The following PCDHA1 variants were observed in gnomAD, a reference collection of about 807,000 sequenced individuals.
PCDHA1 encodes the protein protocadherin alpha 1, also known as protocadherin alpha-1.
In PCDHA1, 42 loss-of-function variants were observed where a neutral mutation model predicts 61.3. That is an observed-to-expected ratio of 0.69 (90% CI 0.54 to 0.89). The LOEUF (loss-of-function observed/expected upper bound fraction) is 0.89, where lower values mean the gene tolerates loss of function less well. PCDHA1 is among the 40% of genes least tolerant of loss of function. The pLI, the probability that PCDHA1 is intolerant of heterozygous loss-of-function variation, is 0.00. For synonymous variants in PCDHA1, 610 were observed against 553.8 expected, an observed-to-expected ratio of 1.10 and a Z score of -1.43; for missense variants, 1,256 against 1,235.3, an observed-to-expected ratio of 1.02 and a Z score of -0.25.
chr5:140,856,215 C>A lies in PCDHA1; in HGVS notation c.2394+67531C>A, dbSNP rs781995878. ...GCGCAGGACCTGGGGCTGGAGCTGGCGGAGCTGGTGCAGCGCCTGTTCCGG... is the reference window on the plus strand; with the variant it reads ...GCGCAGGACCTGGGGCTGGAGCTGGAGGAGCTGGTGCAGCGCCTGTTCCGG... On this transcript the variant is annotated intron_variant, in intron 1 of 3. Coordinates refer to ENST00000504120, the MANE Select transcript of PCDHA1 (RefSeq NM_018900.4). 3 of 1,597,902 alleles carry A rather than the reference C, an allele frequency of 1.9e-6. No individual in the cohort carries two copies. Among genetic ancestry groups the A allele is most frequent in the African/African-American group, 1.3e-5 (1 of 74,266 alleles).
intron 1 of PCDHA1, among the ~76,000 whole-genome samples, chr5:140,887,165 C>T (rs1451761224): frequency 1.3e-5 from 2 of 151,306 alleles, no homozygotes; most frequent in Non-Finnish European, 2.9e-5. Flanking sequence ...GGCGTGATCT[C>T]GGCTCACTGC....
chr5:140,787,196 T>A lies in PCDHA1; in HGVS notation c.906T>A (p.Ile302=), dbSNP rs781812002. ...KFKVDSSSGE[I]RLIDKLDYEE... ...AAGTTGATTCCAGCTCAGGAGAAAT[T>A]AGGTTAATTGATAAACTGGATTATG... Residue 302 remains isoleucine (I), a synonymous_variant, in exon 1 of 4, where the codon ATT becomes ATA. Coordinates refer to ENST00000504120, the MANE Select transcript of PCDHA1 (RefSeq NM_018900.4). 6.2e-7 allele frequency: 1 copy of A among 1,613,952 alleles called. No individual in the cohort carries two copies. The highest frequency in any genetic ancestry group is 1.1e-5 in the South Asian group (1 of 91,072).
At chr5:141,009,036 T>C (rs782309668) in intron 3 of PCDHA1, among the ~76,000 whole-genome samples, 7 of 152,242 alleles carry the variant, frequency 4.6e-5, no homozygotes, top group Non-Finnish European at 1.0e-4. Context: ...TCCCATCCCG[T>C]TCCCAGTCAA....
At chr5:140,989,319 A>G (rs1291622013) in intron 3 of PCDHA1, among the ~76,000 whole-genome samples, 1 of 152,138 alleles carries the variant, frequency 6.6e-6, no homozygotes, top group Admixed American at 6.5e-5. Context: ...GGGTCTCACC[A>G]ACTTTGCCAC....
chr5:141,006,931 G>A (rs1268492539), intron 3 of PCDHA1, among the ~76,000 whole-genome samples: 1 of 152,158 alleles, frequency 6.6e-6, no homozygotes, highest in African/African-American at 2.4e-5. Flanking sequence ...ATTTCCAACT[G>A]GGGATACCAG....
At chr5:140,796,804 G>A (rs143010081) in intron 1 of PCDHA1, 1 of 1,614,136 alleles carries the variant, frequency 6.2e-7, no homozygotes, top group Non-Finnish European at 8.5e-7. Flanking sequence ...GCTTCAGCTG[G>A]GTACTGGCAG....
At chr5:140,970,332 G>A (rs1236073527) in intron 1 of PCDHA1, among the ~76,000 whole-genome samples, 12 of 152,138 alleles carry the variant, frequency 7.9e-5, no homozygotes, top group Admixed American at 2.6e-4. Flanking sequence ...TCCAAAGCAT[G>A]CATTCATTTT....
intron 1 of PCDHA1, among the ~76,000 whole-genome samples, chr5:140,916,821 C>T (rs2077744344): frequency 6.6e-6 from 1 of 152,170 alleles, no homozygotes; most frequent in African/African-American, 2.4e-5. Flanking sequence ...TGTGCCACCC[C>T]TATCCCTCTG....
At chr5:140,893,137 C>T (rs2153441262) in intron 1 of PCDHA1, among the ~76,000 whole-genome samples, 1 of 152,298 alleles carries the variant, frequency 6.6e-6, no homozygotes, top group South Asian at 2.1e-4. Context: ...TTTCTTTATC[C>T]ACTCATCTGT....
chr5:140,788,263 C>A lies in PCDHA1; in HGVS notation c.1973C>A (p.Ala658Glu), dbSNP rs564427730. 8 of 1,613,956 alleles carry A rather than the reference C, an allele frequency of 5.0e-6. No homozygotes were observed. The African/African-American group carries it at 6.7e-5, about 13-fold the overall frequency. ...LVLVKDHGEPALTATATVLVS... is the reference protein window; with the variant it reads ...LVLVKDHGEPELTATATVLVS... ...CTAGTGAAGGATCACGGTGAGCCGGCGCTGACAGCCACGGCCACTGTGCTT... is the reference window on the plus strand; with the variant it reads ...CTAGTGAAGGATCACGGTGAGCCGGAGCTGACAGCCACGGCCACTGTGCTT... Residue 658 changes from alanine to glutamate, a missense_variant, in exon 1 of 4, where the codon GCG becomes GAG. Ala to Glu is a moderately radical substitution (Grantham distance 107). Transcript: ENST00000504120.
chr5:140,928,698 G>A, intron 1 of PCDHA1: 1 of 1,614,148 alleles, frequency 6.2e-7, no homozygotes, highest in East Asian at 2.2e-5. Context: ...ACATCTCCCG[G>A]GCGTCTGACT....
intron 1 of PCDHA1, chr5:140,835,744 C>A: frequency 1.2e-6 from 2 of 1,613,652 alleles, no homozygotes; most frequent in Non-Finnish European, 1.7e-6. Context: ...AACGCCCCGG[C>A]GTTCGCGCAG....
At chr5:140,999,795 T>C (rs1222111677) in intron 3 of PCDHA1, among the ~76,000 whole-genome samples, 3 of 152,224 alleles carry the variant, frequency 2.0e-5, no homozygotes, top group Non-Finnish European at 4.4e-5. Context: ...GGCAGAGTTA[T>C]TTTGGGCACA....
chr5:140,870,507 A>G (rs782584168), intron 1 of PCDHA1: 3 of 1,614,128 alleles, frequency 1.9e-6, no homozygotes, highest in African/African-American at 1.3e-5. Context: ...AGAACAACCC[A>G]CCAGGCTGCC....
chr5:140,841,236 G>A (rs1171503163), intron 1 of PCDHA1: 2 of 1,481,194 alleles, frequency 1.4e-6, no homozygotes, highest in East Asian at 2.3e-5. Flanking sequence ...GGGAGATGCA[G>A]CGGAATTGGA....
At chr5:140,821,823 C>G (rs2150110880) in intron 1 of PCDHA1, 25 of 1,613,970 alleles carry the variant, frequency 1.5e-5, no homozygotes, top group African/African-American at 2.7e-5. Context: ...TCCTGCTGCT[C>G]TGGCTTCTCC....
chr5:140,948,645 C>T (rs1468901970), intron 1 of PCDHA1, among the ~76,000 whole-genome samples: 1 of 151,562 alleles, frequency 6.6e-6, no homozygotes. Flanking sequence ...CATCTTTTAA[C>T]GTCTGTATAA....
rs971447494 is a variant in PCDHA1, at chr5:140,855,570, A to G, written c.2394+66886A>G. 1.4e-4 allele frequency among the ~76,000 whole-genome samples: 21 copies of G among 149,936 alleles called. 2 individuals carry two copies. Among genetic ancestry groups the G allele is most frequent in the African/African-American group, 5.1e-4 (21 of 40,914 alleles). ...GAACTTAAATGGAACTAAAGTTGTCATTTAATAAAATATTAGTATACTCAG... is the reference window on the plus strand; with the variant it reads ...GAACTTAAATGGAACTAAAGTTGTCGTTTAATAAAATATTAGTATACTCAG... On this transcript the variant is annotated intron_variant, in intron 1 of 3. Transcript: ENST00000504120.
chr5:140,884,708 T>C, intron 1 of PCDHA1: 1 of 1,479,044 alleles, frequency 6.8e-7, no homozygotes, highest in Non-Finnish European at 9.0e-7. Flanking sequence ...ACTTTAGCCT[T>C]CCTTGCAGTT....
Sources: gnomAD v4.1 joint callset for allele counts (sites outside exome capture counted in the v4.1 genomes callset) on GRCh38, gnomAD v4.1.1 for gene constraint, MANE v1.5 for transcripts, NCBI Gene and HGNC (gene_info 2026-07-23, HGNC 2026-07-21) for gene names.